SORCS3: variants seen among roughly 807,000 people sequenced by gnomAD.
SORCS3 encodes VPS10 domain-containing receptor SorCS3.
In SORCS3, 57 loss-of-function variants were observed where a neutral mutation model predicts 146.3. The observed-to-expected ratio is 0.39, with a 90% CI of 0.31 to 0.49. The LOEUF (loss-of-function observed/expected upper bound fraction) is 0.49. SORCS3 is among the 20% of genes least tolerant of loss of function. The pLI, the probability that SORCS3 is intolerant of heterozygous loss-of-function variation, is 0.92. For missense variants in SORCS3, 1,341 were observed against 1,575.5 expected (o/e 0.85, Z 2.52); for synonymous variants, 653 against 618.5 (o/e 1.06, Z -0.83).
chr10:105,205,250 C>T (rs1372826768), intron 16 of SORCS3, among the ~76,000 whole-genome samples: 2 of 152,148 alleles, frequency 1.3e-5, no homozygotes, highest in African/African-American at 4.8e-5. Context: ...GGAATGCAAC[C>T]TGGATTCACA....
intron 16 of SORCS3, among the ~76,000 whole-genome samples, chr10:105,206,822 GA>G (rs1292186199): frequency 1.3e-5 from 2 of 152,128 alleles, no homozygotes; most frequent in East Asian, 3.9e-4. Flanking sequence ...TGCCTACCAA[GA>G]ACCTCTATTT....
At chr10:105,099,143 CCCAGT>C (rs1424606146) in intron 6 of SORCS3, among the ~76,000 whole-genome samples, 2 of 152,064 alleles carry the variant, frequency 1.3e-5, no homozygotes, top group African/African-American at 4.8e-5. Context: ...AGTTGCACTC[CCCAGT>C]CAAGAAAAAG....
chr10:104,831,260 A>C (rs978436491), intron 1 of SORCS3, among the ~76,000 whole-genome samples: 1 of 152,218 alleles, frequency 6.6e-6, no homozygotes, highest in Non-Finnish European at 1.5e-5. Context: ...TCCTGTGTGG[A>C]TATCTTATAA....
At chr10:105,252,931 G>A in intron 23 of SORCS3, 25 bp downstream of exon 23, 1 of 1,612,712 alleles carries the variant, frequency 6.2e-7, no homozygotes, top group Non-Finnish European at 8.5e-7. Context: ...ATCTGGCTGG[G>A]ACCCTTGCCT....
At chr10:104,833,991 G>A (rs1337047144) in intron 1 of SORCS3, among the ~76,000 whole-genome samples, 1 of 152,112 alleles carries the variant, frequency 6.6e-6, no homozygotes, top group African/African-American at 2.4e-5. Flanking sequence ...AATGCTGAGG[G>A]TTGTCCTTGA....
chr10:104,987,299 T>C (rs922859613), intron 4 of SORCS3, among the ~76,000 whole-genome samples: 11 of 152,134 alleles, frequency 7.2e-5, no homozygotes, highest in Non-Finnish European at 1.2e-4. Flanking sequence ...TCCGTTAAGA[T>C]GATGGAACTA....
intron 6 of SORCS3, 98 bp from the exon 7 acceptor site, chr10:105,105,299 C>T: frequency 1.5e-6 from 1 of 677,052 alleles, no homozygotes. Context: ...TTTAAATTAC[C>T]TTGTTGATTC....
intron 5 of SORCS3, among the ~76,000 whole-genome samples, chr10:105,064,602 G>C (rs927143334): frequency 6.6e-5 from 10 of 152,174 alleles, no homozygotes; most frequent in Admixed American, 5.9e-4. Flanking sequence ...TGGGCGGGGG[G>C]TTGCTGGTTG....
At chr10:104,668,307 A>G (rs1168745965) in intron 1 of SORCS3, among the ~76,000 whole-genome samples, 5 of 152,194 alleles carry the variant, frequency 3.3e-5, no homozygotes, top group African/African-American at 1.2e-4. Context: ...TATCAGAACC[A>G]TTTATGACGG....
chr10:104,967,871 G>T (rs2054835166), intron 3 of SORCS3, among the ~76,000 whole-genome samples: 1 of 151,376 alleles, frequency 6.6e-6, no homozygotes, highest in Admixed American at 6.6e-5. Flanking sequence ...AATTGCCTAG[G>T]CTGGTTCTGA....
At chr10:104,974,684 A>G (rs1325518278) in intron 3 of SORCS3, among the ~76,000 whole-genome samples, 1 of 152,152 alleles carries the variant, frequency 6.6e-6, no homozygotes, top group Non-Finnish European at 1.5e-5. Context: ...TGGAGCATTT[A>G]GTCCATTTAC....
At chr10:105,141,256 C>T (rs999555336) in intron 8 of SORCS3, among the ~76,000 whole-genome samples, 5 of 152,076 alleles carry the variant, frequency 3.3e-5, no homozygotes, top group African/African-American at 1.2e-4. Context: ...GGTGGAATGC[C>T]ATCCGCTTAG....
chr10:104,691,170 T>C (rs1186090815), intron 1 of SORCS3, among the ~76,000 whole-genome samples: 1 of 152,150 alleles, frequency 6.6e-6, no homozygotes, highest in Non-Finnish European at 1.5e-5. Context: ...CATGGTGTCA[T>C]AGCAACCAAA....
At chr10:105,177,837 G>A (rs116167727) in intron 13 of SORCS3, among the ~76,000 whole-genome samples, 9 of 152,192 alleles carry the variant, frequency 5.9e-5, no homozygotes, top group African/African-American at 2.2e-4. Flanking sequence ...CGATTCTAAT[G>A]TGTTGAAATA....
chr10:104,877,655 A>G (rs2451489), intron 2 of SORCS3, among the ~76,000 whole-genome samples: 1 of 152,190 alleles, frequency 6.6e-6, no homozygotes, highest in African/African-American at 2.4e-5. Flanking sequence ...TTTCAATGCA[A>G]GGCCATTTAA....
intron 25 of SORCS3, 38 bp from the exon 26 acceptor site, chr10:105,262,293 C>A: frequency 6.3e-7 from 1 of 1,595,974 alleles, no homozygotes; most frequent in Non-Finnish European, 8.6e-7. Flanking sequence ...TTGGCACACC[C>A]TGTGATCTTA....
At chr10:104,974,857 T>C (rs957376165) in intron 3 of SORCS3, among the ~76,000 whole-genome samples, 5 of 152,174 alleles carry the variant, frequency 3.3e-5, no homozygotes, top group Non-Finnish European at 4.4e-5. Context: ...CCATGTTTAG[T>C]GCTTCCTTCA....
chr10:104,798,433 A>G (rs1297769495), intron 1 of SORCS3, among the ~76,000 whole-genome samples: 3 of 152,202 alleles, frequency 2.0e-5, no homozygotes, highest in Non-Finnish European at 4.4e-5. Context: ...AGTCATCTGC[A>G]TAACAATCAC....
chr10:104,948,585 C>T (rs1391747163), intron 3 of SORCS3, among the ~76,000 whole-genome samples: 2 of 152,204 alleles, frequency 1.3e-5, no homozygotes, highest in African/African-American at 4.8e-5. Flanking sequence ...GCTCTGCCCT[C>T]ATGGCATTAA....
Sources: allele counts gnomAD v4.1 joint callset (sites outside exome capture counted in the v4.1 genomes callset), GRCh38; gene constraint gnomAD v4.1.1; transcripts MANE v1.5; gene names NCBI Gene and HGNC (gene_info 2026-07-23, HGNC 2026-07-21).